Variants in PTK2 observed in about 807,000 individuals in gnomAD.
PTK2 encodes the protein protein tyrosine kinase 2.
In PTK2, 45 loss-of-function variants were observed where a neutral mutation model predicts 150.1. The observed-to-expected ratio is 0.30, with a 90% CI of 0.24 to 0.38. The LOEUF (loss-of-function observed/expected upper bound fraction) is 0.38. Among genes scored for constraint, PTK2 ranks in the 10% least tolerant of loss-of-function variants. The pLI, the probability that PTK2 is intolerant of heterozygous loss-of-function variation, is 1.00. For missense variants in PTK2, 919 were observed against 1,307.3 expected (o/e 0.70, Z 4.58); for synonymous variants, 432 against 449.2 (o/e 0.96, Z 0.48).
At position 140,890,529 on chromosome 8, in the gene PTK2, A is replaced by T. The variant is rs752214790; in HGVS notation, c.195+14T>A. On this transcript the variant is annotated intron_variant, in intron 3 of 31. Coordinates refer to ENST00000522684, the Ensembl canonical transcript of PTK2. ...AATAAACATTAAAGATGTCTCATGG[A>T]AAAACGTACTTACCCTGACATCAGT... 6.2e-7 allele frequency: 1 copy of T among 1,602,400 alleles called. No homozygotes were observed. Among genetic ancestry groups the T allele is most frequent in the African/African-American group, 1.3e-5 (1 of 74,736 alleles).
At chr8:140,676,755 G>A (rs561664531) in intron 27 of PTK2, among the ~76,000 whole-genome samples, 159 of 66,338 alleles carry the variant, frequency 2.4e-3, no homozygotes, top group East Asian at 0.013. Flanking sequence ...GTGAAACCCC[G>A]TCTCTACTTT....
intron 14 of PTK2, among the ~76,000 whole-genome samples, chr8:140,782,000 G>A (rs1679224638): frequency 6.6e-6 from 1 of 151,986 alleles, no homozygotes; most frequent in Non-Finnish European, 1.5e-5. Flanking sequence ...TGCACAACAC[G>A]ATCAGCCAGT....
intron 5 of PTK2, among the ~76,000 whole-genome samples, chr8:140,852,750 GCTGAAGA>G (rs1160921937): frequency 2.0e-5 from 3 of 152,200 alleles, no homozygotes; most frequent in African/African-American, 7.2e-5. Flanking sequence ...TAAATTAAGA[GCTGAAGA>G]CTGAGCAGAA....
chr8:140,738,186 G>A (rs1276719020), intron 21 of PTK2, among the ~76,000 whole-genome samples: 1 of 152,180 alleles, frequency 6.6e-6, no homozygotes, highest in East Asian at 1.9e-4. Context: ...GAGAGAAAGT[G>A]TAGGAAAGGT....
chr8:140,743,152 G>T, intron 20 of PTK2, 78 bp downstream of exon 23: 1 of 912,782 alleles, frequency 1.1e-6, no homozygotes, highest in Non-Finnish European at 1.7e-6. Context: ...GATCAGGTGA[G>T]CATATTAGAA....
rs138879630 is a variant in PTK2, at chr8:140,750,648, G to A, written c.1417+1584C>T. On this transcript the variant is annotated intron_variant, in intron 17 of 31. Coordinates refer to ENST00000522684, the Ensembl canonical transcript of PTK2. The stretch of plus-strand genomic sequence containing the variant: ...GAGGAACATCACCGCTTGAGGGCAG[G>A]TAAGGAAGAGCTTGATGTGGACAAG... 3.0e-4 allele frequency among the ~76,000 whole-genome samples: 46 copies of A among 152,312 alleles called. No homozygotes were observed. The East Asian group carries it at 6.4e-3, about 21-fold the overall frequency.
At chr8:140,933,051 A>C (rs545976285) in intron 1 of PTK2, among the ~76,000 whole-genome samples, 3 of 152,182 alleles carry the variant, frequency 2.0e-5, no homozygotes, top group African/African-American at 7.2e-5. Flanking sequence ...GGGTTTCACC[A>C]TGTTGGCCAG....
chr8:140,825,758 C>A (rs2100111428), intron 8 of PTK2, among the ~76,000 whole-genome samples: 1 of 152,188 alleles, frequency 6.6e-6, no homozygotes, highest in African/African-American at 2.4e-5. Context: ...TCCTCAGCCT[C>A]CTCCAGCTGT....
exon 3 of PTK2, chr8:140,890,691 G>C: frequency 6.2e-7 from 1 of 1,614,128 alleles, no homozygotes; most frequent in Non-Finnish European, 8.5e-7. Flanking sequence ...CTTAGTACTC[G>C]AATTTGGTGT....
At chr8:140,776,220 C>A (rs1029151996) in intron 14 of PTK2, among the ~76,000 whole-genome samples, 2 of 152,170 alleles carry the variant, frequency 1.3e-5, no homozygotes, top group Non-Finnish European at 2.9e-5. Context: ...CCAGGCTGGT[C>A]TGGAATTTCT....
intron 2 of PTK2, among the ~76,000 whole-genome samples, chr8:140,916,748 T>A (rs1349666081): frequency 6.6e-6 from 1 of 152,194 alleles, no homozygotes; most frequent in Non-Finnish European, 1.5e-5. Flanking sequence ...GATCCTACCA[T>A]TTTTCTATTT....
At chr8:140,914,955 C>A (rs909245155) in intron 2 of PTK2, among the ~76,000 whole-genome samples, 1 of 148,832 alleles carries the variant, frequency 6.7e-6, no homozygotes, top group Non-Finnish European at 1.5e-5. Flanking sequence ...ATCGCTTGAA[C>A]CCGGGAGGCA....
At chr8:140,842,666 T>A (rs1261861563) in intron 7 of PTK2, among the ~76,000 whole-genome samples, 1 of 152,060 alleles carries the variant, frequency 6.6e-6, no homozygotes, top group Non-Finnish European at 1.5e-5. Context: ...TCTACTTATA[T>A]GGAGATAGGG....
chr8:140,831,431 T>C (rs1350015975), intron 7 of PTK2, among the ~76,000 whole-genome samples: 1 of 152,192 alleles, frequency 6.6e-6, no homozygotes, highest in Middle Eastern at 3.2e-3. Context: ...ATATAAAGTA[T>C]CAAGAAACAG....
At chr8:140,703,433 T>C (rs1436674460) in intron 24 of PTK2, among the ~76,000 whole-genome samples, 5 of 152,038 alleles carry the variant, frequency 3.3e-5, no homozygotes, top group African/African-American at 4.8e-5. Flanking sequence ...AGTGCAAATA[T>C]ATACTAGAAA....
chr8:140,955,108 T>C (rs1423620851), intron 1 of PTK2, among the ~76,000 whole-genome samples: 4 of 152,242 alleles, frequency 2.6e-5, no homozygotes, highest in Admixed American at 6.5e-5. Flanking sequence ...CAGAGGAAGA[T>C]GGCAAACAGA....
At chr8:140,916,274 T>C (rs1287398306) in intron 2 of PTK2, among the ~76,000 whole-genome samples, 2 of 152,212 alleles carry the variant, frequency 1.3e-5, no homozygotes, top group Non-Finnish European at 2.9e-5. Context: ...AACTGTGGCT[T>C]GTTTCTAGTG....
exon 27 of PTK2, chr8:140,686,676 A>G (rs146529989): frequency 6.2e-7 from 1 of 1,613,760 alleles, no homozygotes; most frequent in African/African-American, 1.3e-5. Context: ...CTGCCTCGAG[A>G]GAGTCTCACA....
chr8:140,724,601 T>G lies in PTK2; in HGVS notation c.2031-6892A>C, dbSNP rs78887830. ...TATAAAATCAGTCTGGGTTTGCAGTTATTTAAGTTAATCTAGAAAACACCC... is the reference window on the plus strand; with the variant it reads ...TATAAAATCAGTCTGGGTTTGCAGTGATTTAAGTTAATCTAGAAAACACCC... On this transcript the variant is annotated intron_variant, in intron 22 of 31. Transcript: ENST00000522684. 1.8e-4 allele frequency among the ~76,000 whole-genome samples: 27 copies of G among 152,344 alleles called. No homozygotes were observed. In the East Asian group the frequency reaches 5.0e-3, roughly 28 times the overall value.
Sources: allele counts gnomAD v4.1 joint callset (sites outside exome capture counted in the v4.1 genomes callset), GRCh38; gene constraint gnomAD v4.1.1; transcripts MANE v1.5; gene names NCBI Gene and HGNC (gene_info 2026-07-23, HGNC 2026-07-21).